Variants in UFL1 observed in about 807,000 individuals in gnomAD.
UFL1 encodes E3 UFM1-protein ligase 1.
UFL1 carries 78 observed loss-of-function variants against 99.3 expected under a neutral mutation model. That is an observed-to-expected ratio of 0.79 (90% confidence interval 0.65 to 0.95). The LOEUF is 0.95. Among genes scored for constraint, UFL1 ranks in the 40% least tolerant of loss-of-function variants. The pLI, the probability that UFL1 is intolerant of heterozygous loss-of-function variation, is 0.00. For missense variants in UFL1, 936 were observed against 937.0 expected (o/e 1.00, Z 0.01); for synonymous variants, 335 against 322.2 (o/e 1.04, Z -0.42).
intron 9 of UFL1, among the ~76,000 whole-genome samples, chr6:96,538,394 A>G (rs958494615): frequency 6.6e-6 from 1 of 151,704 alleles, no homozygotes; most frequent in African/African-American, 2.4e-5. Context: ...GTTTTAAACA[A>G]TTGGAGATGT....
At position 96,523,206 on chromosome 6, in the gene UFL1, A is replaced by C. The variant is rs142787840; in HGVS notation, c.138A>C (p.Glu46Asp). ...VNKLIAQKQL[E>D]VVHTLDGKEY... ...AATTGATTGCTCAGAAACAGCTAGA[A>C]GTAGTTCATACACTCGATGGAAAGG... The change falls in exon 2 of 19, where the codon GAA becomes GAC. Residue 46 changes from glutamate to aspartate, a missense_variant. Physicochemically the swap from Glu to Asp is conservative, Grantham distance 45 (BLOSUM62 2). Coordinates refer to ENST00000369278, the MANE Select transcript of UFL1 (RefSeq NM_015323.5). 114 of 1,613,532 alleles carry C rather than the reference A, an allele frequency of 7.1e-5. No homozygotes were observed. The highest frequency in any genetic ancestry group is 5.8e-4 in the South Asian group (53 of 91,016).
At chr6:96,544,873 G>A (rs892346798) in intron 12 of UFL1, among the ~76,000 whole-genome samples, 16 of 150,800 alleles carry the variant, frequency 1.1e-4, no homozygotes, top group African/African-American at 3.9e-4. Flanking sequence ...TTATTGAAAG[G>A]AGCTATAAAA....
At chr6:96,533,683 T>TTG (rs1372812044) in intron 6 of UFL1, among the ~76,000 whole-genome samples, 6 of 151,758 alleles carry the variant, frequency 4.0e-5, no homozygotes, top group African/African-American at 1.5e-4. Context: ...GATCATTGAA[T>TTG]TGTACACTTA....
At chr6:96,544,548 T>C (rs1222432789) in intron 12 of UFL1, among the ~76,000 whole-genome samples, 1 of 151,078 alleles carries the variant, frequency 6.6e-6, no homozygotes, top group Non-Finnish European at 1.5e-5. Flanking sequence ...CTATTTGTAA[T>C]AGCACAGTTG....
In UFL1 at chr6:96,552,902, A is replaced by T. The variant is rs762285772; in HGVS notation, c.2166+240A>T. On this transcript the variant is annotated intron_variant, in intron 18 of 18. Transcript: ENST00000369278. The stretch of plus-strand genomic sequence containing the variant: ...TTTCAGAAAAGATACAATAATGTCA[A>T]ATCTCCCATTTCAGCTTCTTTAGGT... Among the ~76,000 whole-genome samples, 5 of 152,122 alleles carry T rather than the reference A, an allele frequency of 3.3e-5. No homozygotes were observed. The South Asian group carries it at 1.0e-3, about 32-fold the overall frequency.
chr6:96,528,155 T>G (rs1186723537), intron 5 of UFL1, among the ~76,000 whole-genome samples: 1 of 152,214 alleles, frequency 6.6e-6, no homozygotes, highest in Non-Finnish European at 1.5e-5. Flanking sequence ...TCTCTATATA[T>G]TGGAGGCTGC....
intron 12 of UFL1, among the ~76,000 whole-genome samples, chr6:96,546,124 A>G (rs189081431): frequency 6.6e-6 from 1 of 151,386 alleles, no homozygotes; most frequent in Non-Finnish European, 1.5e-5. Flanking sequence ...AAAGCCATAA[A>G]GACTCCTCCA....
chr6:96,529,447 A>G (rs1400106796), intron 6 of UFL1, among the ~76,000 whole-genome samples: 2 of 152,140 alleles, frequency 1.3e-5, no homozygotes, highest in South Asian at 2.1e-4. Context: ...TAATCCACCT[A>G]TCTAGCTTCT....
At chr6:96,550,525 T>C (rs1770063095) in intron 15 of UFL1, among the ~76,000 whole-genome samples, 1 of 151,996 alleles carries the variant, frequency 6.6e-6, no homozygotes, top group South Asian at 2.1e-4. Context: ...TCTTTGGTGA[T>C]GTAGTTAGTC....
Position 96,555,255 on chromosome 6 carries a change from T to TAA in UFL1, c.*1754_*1755dup, listed in dbSNP as rs1239678248. The stretch of plus-strand genomic sequence containing the variant: ...GCAGGGTTAAGAAAGTTATTTAAAA[T>TAA]AAAGTTACCTATTCTACTAAATTTT... On this transcript the variant is annotated 3_prime_UTR_variant, in exon 19 of 19. Coordinates refer to ENST00000369278, the MANE Select transcript of UFL1 (RefSeq NM_015323.5). 4 of 152,168 alleles carry TAA rather than the reference T, an allele frequency of 2.6e-5. No individual in the cohort carries two copies. Among genetic ancestry groups the TAA allele is most frequent in the African/African-American group, 9.6e-5 (4 of 41,464 alleles). 9.4% of individuals were successfully genotyped at this position (152,168 alleles called of 1,614,324 possible).
At chr6:96,521,974 G>T (rs1354136818) in intron 1 of UFL1, 24 bp downstream of exon 1, 1 of 1,604,994 alleles carries the variant, frequency 6.2e-7, no homozygotes, top group African/African-American at 1.3e-5. Flanking sequence ...CCTCTCCTTT[G>T]TGGAGCCCAA....
At chr6:96,530,827 A>G (rs759445391) in intron 6 of UFL1, among the ~76,000 whole-genome samples, 7 of 152,172 alleles carry the variant, frequency 4.6e-5, no homozygotes, top group Non-Finnish European at 1.0e-4. Flanking sequence ...AGATCTGGAT[A>G]CTACATTACT....
At chr6:96,535,154 G>A (rs1769835253) in intron 7 of UFL1, among the ~76,000 whole-genome samples, 1 of 151,936 alleles carries the variant, frequency 6.6e-6, no homozygotes, top group Non-Finnish European at 1.5e-5. Context: ...AGGATCGTGT[G>A]TTGTAGTCTG....
chr6:96,534,730 T>G (rs1463563595), intron 7 of UFL1, among the ~76,000 whole-genome samples: 3 of 151,954 alleles, frequency 2.0e-5, no homozygotes, highest in Admixed American at 2.0e-4. Flanking sequence ...AATAAAAGTA[T>G]ATTCTTATCA....
intron 11 of UFL1, among the ~76,000 whole-genome samples, chr6:96,541,449 G>A (rs1271627436): frequency 6.6e-6 from 1 of 151,352 alleles, no homozygotes; most frequent in Non-Finnish European, 1.5e-5. Context: ...TAGGAACAGT[G>A]CTGTTAGTGC....
intron 15 of UFL1, among the ~76,000 whole-genome samples, chr6:96,550,415 G>T (rs763497301): frequency 4.6e-5 from 7 of 151,776 alleles, no homozygotes; most frequent in Non-Finnish European, 1.0e-4. Context: ...CTTCGAGTTG[G>T]AGATTTAGGA....
chr6:96,546,184 A>C (rs1266920018), intron 12 of UFL1, among the ~76,000 whole-genome samples: 1 of 151,152 alleles, frequency 6.6e-6, no homozygotes, highest in Non-Finnish European at 1.5e-5. Context: ...AGGATACAAA[A>C]TGAGTATACA....
At chr6:96,544,746 G>A (rs1400994860) in intron 12 of UFL1, among the ~76,000 whole-genome samples, 1 of 150,906 alleles carries the variant, frequency 6.6e-6, no homozygotes, top group Non-Finnish European at 1.5e-5. Context: ...TTTTCCTGTT[G>A]CCCAGGTGTA....
At chr6:96,551,979 T>A in intron 17 of UFL1, 56 bp downstream of exon 17, 1 of 1,331,784 alleles carries the variant, frequency 7.5e-7, no homozygotes, top group East Asian at 2.3e-5. Context: ...GCCTTTCATA[T>A]CTGAAATTTG....
Sources: gnomAD v4.1 joint callset for allele counts (sites outside exome capture counted in the v4.1 genomes callset) on GRCh38, gnomAD v4.1.1 for gene constraint, MANE v1.5 for transcripts, NCBI Gene and HGNC (gene_info 2026-07-23, HGNC 2026-07-21) for gene names.